Variants in PTGER3 observed in about 807,000 individuals in gnomAD.
The protein encoded by PTGER3 is prostaglandin E receptor 3.
A neutral mutation model predicts 34.7 loss-of-function variants in PTGER3; 22 were observed. That is an observed-to-expected ratio of 0.63 (90% CI 0.45 to 0.91). The LOEUF is 0.91. PTGER3 is among the 40% of genes least tolerant of loss of function. The probability of loss-of-function intolerance (pLI) is 0.00; values close to 1 mark genes in which losing one functional copy is unlikely to be tolerated. For missense variants in PTGER3, 468 were observed against 519.4 expected (o/e 0.90, Z 0.96); for synonymous variants, 241 against 230.1 (o/e 1.05, Z -0.43).
At chr1:70,880,938 T>C (rs536532567) in intron 4 of PTGER3, among the ~76,000 whole-genome samples, 2 of 152,070 alleles carry the variant, frequency 1.3e-5, no homozygotes, top group African/African-American at 4.8e-5. Flanking sequence ...TTCCTGGATT[T>C]AAATGTTGGC....
exon 4 of PTGER3, chr1:70,952,676 T>C (rs1046973151): frequency 1.1e-5 from 13 of 1,156,230 alleles, no homozygotes; most frequent in Non-Finnish European, 1.4e-5. Context: ...CCATGTGCTA[T>C]TCTTACTATA....
intron 4 of PTGER3, among the ~76,000 whole-genome samples, chr1:70,864,530 A>C (rs60068944): frequency 0.011 from 1,668 of 152,200 alleles, 30 homozygotes; most frequent in African/African-American, 0.038. Context: ...AAGGGAAAGG[A>C]AAAGCCAGAG....
At chr1:70,989,189 T>C (rs1655205050) in intron 2 of PTGER3, among the ~76,000 whole-genome samples, 1 of 152,168 alleles carries the variant, frequency 6.6e-6, no homozygotes, top group Non-Finnish European at 1.5e-5. Context: ...TCAGAATGCT[T>C]GAAGCTTACT....
chr1:70,879,247 T>TTTTA (rs1340879798), intron 4 of PTGER3, among the ~76,000 whole-genome samples: 6 of 134,632 alleles, frequency 4.5e-5, no homozygotes, highest in Non-Finnish European at 9.4e-5. Context: ...TCTTTTTGTT[T>TTTTA]TTTGTTTGTT....
intron 4 of PTGER3, among the ~76,000 whole-genome samples, chr1:70,914,355 T>C (rs1046062223): frequency 3.3e-5 from 5 of 151,886 alleles, no homozygotes; most frequent in African/African-American, 4.8e-5. Flanking sequence ...ATTTGGCACA[T>C]TGCTGGAACA....
chr1:70,973,076 T>A (rs1023395368), intron 3 of PTGER3, among the ~76,000 whole-genome samples: 20 of 151,910 alleles, frequency 1.3e-4, no homozygotes, highest in African/African-American at 4.6e-4. Context: ...TTCATTGGTT[T>A]TCTAGGGAAA....
chr1:70,951,223 A>G (rs922352443), downstream of PTGER3: 1 of 152,158 alleles, frequency 6.6e-6, no homozygotes, highest in Non-Finnish European at 1.5e-5. Context: ...CCATTTTTGA[A>G]TAATAAAAGA....
In PTGER3 at chr1:71,044,158, C is replaced by T. The variant is rs1036120403; in HGVS notation, c.897+2523G>A. Reference sequence around the variant, plus strand: ...TAAAAAGTTCTCATTTCTCCTAGGCCGGGCACGGTGGCTCATGCCTGTAAT... The same window carrying T: ...TAAAAAGTTCTCATTTCTCCTAGGCTGGGCACGGTGGCTCATGCCTGTAAT... On this transcript the variant is annotated intron_variant, in intron 1 of 3. Coordinates refer to ENST00000306666, the MANE Select transcript of PTGER3 (RefSeq NM_198719.2). 4.0e-5 allele frequency among the ~76,000 whole-genome samples: 6 copies of T among 149,572 alleles called. No individual in the cohort carries two copies. The South Asian group carries it at 1.1e-3, about 28-fold the overall frequency.
chr1:70,939,728 G>C (rs1232445274), intron 4 of PTGER3, among the ~76,000 whole-genome samples: 1 of 152,196 alleles, frequency 6.6e-6, no homozygotes, highest in Non-Finnish European at 1.5e-5. Context: ...AGCTGGAGTG[G>C]CTGGGACACA....
chr1:70,940,986 T>G (rs1463411284), intron 4 of PTGER3, among the ~76,000 whole-genome samples: 1 of 152,200 alleles, frequency 6.6e-6, no homozygotes, highest in African/African-American at 2.4e-5. Flanking sequence ...AGATAAATGA[T>G]TCAGCATTTC....
chr1:70,859,546 T>C (rs1040539916), intron 4 of PTGER3, among the ~76,000 whole-genome samples: 1 of 152,236 alleles, frequency 6.6e-6, no homozygotes, highest in Non-Finnish European at 1.5e-5. Flanking sequence ...TGTAATTTTA[T>C]TGTAATATTA....
chr1:71,007,936 G>A lies in PTGER3; in HGVS notation c.1077+4369C>T. The A allele has an allele frequency of 3.0e-6, 3 of 985,064 alleles. No individual in the cohort carries two copies. In the South Asian group the frequency reaches 1.4e-4, roughly 46 times the overall value. 61.0% of individuals were successfully genotyped at this position (985,064 alleles called of 1,614,324 possible). ...ATGAAAAGGCTGACTTGTTTCTGAT[G>A]GTGATCTCTTTCCTTCTTATCTTTA... On this transcript the variant is annotated intron_variant, in intron 2 of 3. Transcript: ENST00000306666.
chr1:70,988,739 T>G (rs1655153438), intron 2 of PTGER3, among the ~76,000 whole-genome samples: 8 of 152,164 alleles, frequency 5.3e-5, no homozygotes, highest in Admixed American at 5.2e-4. Context: ...TTAATCATTG[T>G]TTTATTTATT....
intron 1 of PTGER3, among the ~76,000 whole-genome samples, chr1:71,038,753 G>A (rs1211137497): frequency 6.6e-6 from 1 of 152,158 alleles, no homozygotes; most frequent in Admixed American, 6.5e-5. Flanking sequence ...ACTGTATGAA[G>A]CAGTTTACAA....
chr1:70,920,248 A>T (rs1272070639), intron 4 of PTGER3, among the ~76,000 whole-genome samples: 1 of 152,152 alleles, frequency 6.6e-6, no homozygotes. Context: ...GAGGTTGGAG[A>T]TTCATTCTCT....
intron 4 of PTGER3, among the ~76,000 whole-genome samples, chr1:70,854,480 A>G (rs1476622955): frequency 2.0e-5 from 3 of 152,138 alleles, no homozygotes; most frequent in African/African-American, 7.2e-5. Context: ...TCAAAATGTA[A>G]TCTCCACATG....
intron 4 of PTGER3, among the ~76,000 whole-genome samples, chr1:70,866,059 G>C (rs540193446): frequency 6.6e-6 from 1 of 152,220 alleles, no homozygotes; most frequent in South Asian, 2.1e-4. Flanking sequence ...ACTGCTACTT[G>C]TGTACAACTT....
intron 2 of PTGER3, among the ~76,000 whole-genome samples, chr1:70,988,785 TA>T (rs1557716810): frequency 6.6e-6 from 1 of 152,194 alleles, no homozygotes; most frequent in African/African-American, 2.4e-5. Context: ...AAACCTAACA[TA>T]GTGATAAAGT....
rs184970358 is a variant in PTGER3, at chr1:70,971,420, G to A, written c.*310C>T. On this transcript the variant is annotated 3_prime_UTR_variant, in exon 4 of 4. Transcript: ENST00000306666. Reference sequence around the variant, plus strand: ...ATTCACGTAAAGGTTTGAAGTTGGAGAAAACTCCTGGAACACAGGTCTTTC... The same window carrying A: ...ATTCACGTAAAGGTTTGAAGTTGGAAAAAACTCCTGGAACACAGGTCTTTC... 33 of 1,082,182 alleles carry A rather than the reference G, an allele frequency of 3.0e-5. No individual in the cohort carries two copies. In the African/African-American group the frequency reaches 5.1e-4, roughly 17 times the overall value. The allele number at this position is 1,082,182 out of a possible 1,614,324, so 67.0% of individuals were successfully genotyped here. A position where few individuals can be genotyped will look rare whatever the true frequency, so the allele number is the denominator to read the frequency against.
Sources: gnomAD v4.1 joint callset for allele counts (sites outside exome capture counted in the v4.1 genomes callset) on GRCh38, gnomAD v4.1.1 for gene constraint, MANE v1.5 for transcripts, NCBI Gene and HGNC (gene_info 2026-07-23, HGNC 2026-07-21) for gene names.